THSD4: variants seen among roughly 807,000 people sequenced by gnomAD.
THSD4 encodes thrombospondin type 1 domain containing 4.
Under a neutral mutation model 119.0 loss-of-function variants are expected in THSD4, and 69 were observed. That is an observed-to-expected ratio of 0.58 (90% CI 0.48 to 0.71). THSD4 has a LOEUF of 0.71. Ranked by LOEUF, THSD4 falls within the 30% of genes least tolerant of loss-of-function variation. The pLI is 0.00. For missense variants in THSD4, 1,393 were observed against 1,391.1 expected, an observed-to-expected ratio of 1.00 and a Z score of -0.02; for synonymous variants, 524 against 540.4, an observed-to-expected ratio of 0.97 and a Z score of 0.42.
At chr15:71,256,745 A>T (rs749335009) in intron 6 of THSD4, 30 bp downstream of exon 6, 12 of 1,587,902 alleles carry the variant, frequency 7.6e-6, no homozygotes, top group Non-Finnish European at 9.5e-6. Flanking sequence ...TGTCCATAGA[A>T]GTTACTTTAG....
chr15:71,524,389 T>A (rs2048485560), intron 7 of THSD4, among the ~76,000 whole-genome samples: 1 of 152,204 alleles, frequency 6.6e-6, no homozygotes, highest in Admixed American at 6.5e-5. Flanking sequence ...GCTGTTGCTT[T>A]AGAGCAGTTG....
chr15:71,571,495 A>AT lies in THSD4; in HGVS notation c.1153-89034dup, dbSNP rs529994685. On this transcript the variant is annotated intron_variant, in intron 7 of 17. Transcript: ENST00000261862. ...ATGGAAAAAAGAGATCCCTGGGCTT[A>AT]TATTTCAAAATGTGATTTCCATGTT... Among the ~76,000 whole-genome samples the AT allele has an allele frequency of 3.3e-3, 504 of 152,310 alleles. 6 individuals are homozygous for AT. Among genetic ancestry groups the AT allele is most frequent in the African/African-American group, 0.012 (482 of 41,574 alleles).
At chr15:71,708,753 A>T (rs1181476928) in intron 8 of THSD4, among the ~76,000 whole-genome samples, 1 of 152,216 alleles carries the variant, frequency 6.6e-6, no homozygotes, top group Non-Finnish European at 1.5e-5. Context: ...TGAGCCATGC[A>T]TGTGGCAGTC....
chr15:71,774,266 G>A (rs1391574218), intron 17 of THSD4, among the ~76,000 whole-genome samples: 3 of 145,126 alleles, frequency 2.1e-5, no homozygotes, highest in Middle Eastern at 3.3e-3. Context: ...AGCCATGATC[G>A]CACTACTGCA....
intron 7 of THSD4, among the ~76,000 whole-genome samples, chr15:71,656,841 A>G (rs1392816866): frequency 1.3e-5 from 2 of 152,222 alleles, no homozygotes; most frequent in African/African-American, 4.8e-5. Context: ...TTAAATGGAA[A>G]AACATATATG....
At chr15:71,693,556 G>A (rs533655768) in intron 8 of THSD4, among the ~76,000 whole-genome samples, 14 of 152,184 alleles carry the variant, frequency 9.2e-5, no homozygotes, top group Admixed American at 2.0e-4. Context: ...TGAGGTGAGA[G>A]GATGGCTTTG....
chr15:71,300,000 T>TTAGCCA (rs2044926491), intron 6 of THSD4, among the ~76,000 whole-genome samples: 1 of 140,630 alleles, frequency 7.1e-6, no homozygotes, highest in Non-Finnish European at 1.5e-5. Context: ...TATATATATA[T>TTAGCCA]ATTAGCCATG....
intron 7 of THSD4, among the ~76,000 whole-genome samples, chr15:71,650,532 C>T (rs2051062448): frequency 6.6e-6 from 1 of 152,142 alleles, no homozygotes; most frequent in African/African-American, 2.4e-5. Context: ...GGCCTGAAAG[C>T]TTAAGGAGAT....
At chr15:71,685,342 C>T (rs2051885758) in intron 8 of THSD4, among the ~76,000 whole-genome samples, 1 of 151,970 alleles carries the variant, frequency 6.6e-6, no homozygotes. Context: ...CCCCAGAGAG[C>T]TTTTGTTCAT....
intron 7 of THSD4, among the ~76,000 whole-genome samples, chr15:71,644,492 A>G (rs2050929001): frequency 6.6e-6 from 1 of 152,198 alleles, no homozygotes; most frequent in Non-Finnish European, 1.5e-5. Context: ...TTTTCCTAAT[A>G]CAAACTGGTA....
At chr15:71,409,159 C>T (rs1156686753) in intron 6 of THSD4, among the ~76,000 whole-genome samples, 1 of 148,584 alleles carries the variant, frequency 6.7e-6, no homozygotes, top group African/African-American at 2.5e-5. Flanking sequence ...TTTTTTTCCC[C>T]CCCCCTCAGA....
At chr15:71,681,825 G>T (rs2051787945) in intron 8 of THSD4, among the ~76,000 whole-genome samples, 1 of 152,140 alleles carries the variant, frequency 6.6e-6, no homozygotes, top group Non-Finnish European at 1.5e-5. Context: ...ATGTTCATGG[G>T]GGCAAACGGA....
chr15:71,143,695 T>A (rs985892060), intron 2 of THSD4, among the ~76,000 whole-genome samples: 1 of 141,350 alleles, frequency 7.1e-6, no homozygotes, highest in Non-Finnish European at 1.5e-5. Flanking sequence ...CTTTTTTTTT[T>A]CTTTCTTTTT....
At chr15:71,487,477 G>T (rs1026455785) in intron 7 of THSD4, among the ~76,000 whole-genome samples, 3 of 152,280 alleles carry the variant, frequency 2.0e-5, no homozygotes, top group African/African-American at 4.8e-5. Flanking sequence ...ATATATAAAA[G>T]ATTTTATGAG....
intron 7 of THSD4, among the ~76,000 whole-genome samples, chr15:71,567,094 G>A (rs2140892103): frequency 6.6e-6 from 1 of 152,264 alleles, no homozygotes; most frequent in Non-Finnish European, 1.5e-5. Flanking sequence ...CCCTCACTCA[G>A]AGCAGTGCCC....
intron 8 of THSD4, among the ~76,000 whole-genome samples, chr15:71,688,821 A>C (rs545224083): frequency 6.6e-6 from 1 of 151,828 alleles, no homozygotes; most frequent in East Asian, 1.9e-4. Flanking sequence ...AAATGTTAAC[A>C]TCTTGGAATA....
intron 7 of THSD4, among the ~76,000 whole-genome samples, chr15:71,413,703 ATC>A: frequency 6.6e-6 from 1 of 152,358 alleles, no homozygotes; most frequent in Non-Finnish European, 1.5e-5. Flanking sequence ...TGTATGAAGT[ATC>A]TTTGGAAGAG....
At chr15:71,492,796 C>A (rs1191327094) in intron 7 of THSD4, among the ~76,000 whole-genome samples, 2 of 152,092 alleles carry the variant, frequency 1.3e-5, no homozygotes, top group African/African-American at 4.8e-5. Flanking sequence ...TAAATCAATT[C>A]CATGCTCATG....
intron 6 of THSD4, among the ~76,000 whole-genome samples, chr15:71,369,888 C>T (rs887596609): frequency 3.9e-5 from 6 of 152,056 alleles, no homozygotes; most frequent in African/African-American, 1.2e-4. Flanking sequence ...TGGTAGAATT[C>T]GGCTGTGAAT....
Sources: gnomAD v4.1 joint callset for allele counts (sites outside exome capture counted in the v4.1 genomes callset) on GRCh38, gnomAD v4.1.1 for gene constraint, MANE v1.5 for transcripts, NCBI Gene and HGNC (gene_info 2026-07-23, HGNC 2026-07-21) for gene names.